The following USP24 variants were observed in gnomAD, a reference collection of about 807,000 sequenced individuals.
USP24 encodes ubiquitin specific peptidase 24.
Under a neutral mutation model 361.6 loss-of-function variants are expected in USP24, and 97 were observed. The observed-to-expected ratio is 0.27, with a 90% CI of 0.23 to 0.32. USP24 has a LOEUF of 0.32. Among genes scored for constraint, USP24 ranks in the 10% least tolerant of loss-of-function variants. USP24 has a pLI of 1.00. For synonymous variants in USP24, 1,098 were observed against 1,124.6 expected, an observed-to-expected ratio of 0.98 and a Z score of 0.47; for missense variants, 2,353 against 3,165.6, an observed-to-expected ratio of 0.74 and a Z score of 6.16.
chr1:55,161,868 C>T (rs1648320357), intron 8 of USP24, among the ~76,000 whole-genome samples: 1 of 152,104 alleles, frequency 6.6e-6, no homozygotes, highest in East Asian at 1.9e-4. Context: ...TGATTCAATA[C>T]ATAATGGCAT....
intron 28 of USP24, among the ~76,000 whole-genome samples, chr1:55,136,726 C>T (rs2100666745): frequency 6.6e-6 from 1 of 152,180 alleles, no homozygotes; most frequent in East Asian, 1.9e-4. Context: ...GAGATGCCAT[C>T]ATTTGAGATA....
chr1:55,101,503 A>T (rs1570404028), intron 43 of USP24, 81 bp downstream of exon 43: 2 of 1,534,916 alleles, frequency 1.3e-6, no homozygotes, highest in Non-Finnish European at 1.8e-6. Flanking sequence ...AAACCCCAAA[A>T]GCAATAAAAA....
At chr1:55,135,277 A>C (rs1377024011) in intron 28 of USP24, among the ~76,000 whole-genome samples, 1 of 152,080 alleles carries the variant, frequency 6.6e-6, no homozygotes, top group African/African-American at 2.4e-5. Flanking sequence ...GAGCCACCAC[A>C]CCCAGTCTTC....
intron 1 of USP24, among the ~76,000 whole-genome samples, chr1:55,188,945 CAA>C (rs1425016267): frequency 1.1e-5 from 1 of 93,410 alleles, no homozygotes; most frequent in Non-Finnish European, 2.0e-5. Context: ...GCCTGGACAA[CAA>C]GAGCAAAACT....
intron 28 of USP24, among the ~76,000 whole-genome samples, chr1:55,135,571 C>T (rs903975155): frequency 2.0e-5 from 3 of 152,136 alleles, no homozygotes; most frequent in African/African-American, 7.2e-5. Flanking sequence ...GTCCCATCCT[C>T]AAGATATCTC....
intron 1 of USP24, among the ~76,000 whole-genome samples, chr1:55,185,198 C>T (rs1644095112): frequency 1.3e-5 from 2 of 151,946 alleles, no homozygotes; most frequent in African/African-American, 4.8e-5. Context: ...AGCGATTCTC[C>T]CATGTCAGCC....
intron 51 of USP24, 88 bp from the exon 52 acceptor site, chr1:55,094,175 G>T: frequency 2.3e-6 from 3 of 1,318,396 alleles, no homozygotes; most frequent in Non-Finnish European, 3.1e-6. Flanking sequence ...ACATAAACGG[G>T]TATTAGACTA....
At chr1:55,130,334 C>A (rs1341513981) in intron 31 of USP24, among the ~76,000 whole-genome samples, 1 of 152,134 alleles carries the variant, frequency 6.6e-6, no homozygotes, top group Non-Finnish European at 1.5e-5. Context: ...ATAGTAGTTG[C>A]CTTTACAGGA....
At chr1:55,142,635 A>G (rs2100693433) in intron 23 of USP24, 107 bp downstream of exon 23, 1 of 813,356 alleles carries the variant, frequency 1.2e-6, no homozygotes, top group African/African-American at 1.8e-5. Flanking sequence ...ATTCTTCAAT[A>G]GGATCCAGCC....
At chr1:55,125,831 A>G in intron 32 of USP24, 73 bp from the exon 33 acceptor site, 1 of 1,254,786 alleles carries the variant, frequency 8.0e-7, no homozygotes, top group Non-Finnish European at 1.1e-6. Flanking sequence ...TCCATAAGTA[A>G]TGTAATCAGT....
chr1:55,165,645 A>T (rs1648756299), intron 7 of USP24, among the ~76,000 whole-genome samples: 1 of 152,134 alleles, frequency 6.6e-6, no homozygotes, highest in African/African-American at 2.4e-5. Context: ...TAACCATTAC[A>T]AATTAAGAGA....
intron 28 of USP24, among the ~76,000 whole-genome samples, chr1:55,135,758 T>C (rs1646715863): frequency 1.3e-5 from 2 of 151,996 alleles, no homozygotes; most frequent in Non-Finnish European, 2.9e-5. Flanking sequence ...GGGAAATATA[T>C]ATAATAACCA....
Position 55,134,173 on chromosome 1 carries a change from T to C in USP24, c.3288-10A>G. On this transcript the variant is annotated splice_polypyrimidine_tract_variant and intron_variant, in intron 29 of 67. Transcript: ENST00000294383. Reference sequence around the variant, plus strand: ...TACTCGTAGAGTTATCCTGAAGTTTTTCAAATACAAATTTTTTCATATAAG... The same window carrying C: ...TACTCGTAGAGTTATCCTGAAGTTTCTCAAATACAAATTTTTTCATATAAG... 1 of 1,612,224 alleles carries C rather than the reference T, an allele frequency of 6.2e-7. No homozygotes were observed. The highest frequency in any genetic ancestry group is 8.5e-7 in the Non-Finnish European group (1 of 1,179,114).
In USP24 at chr1:55,078,600, T is replaced by A. The variant is rs897670286; in HGVS notation, c.7252A>T (p.Met2418Leu). Residue 2418 changes from methionine (M) to leucine (L), a missense_variant, in exon 61 of 68, where the codon ATG (methionine) becomes TTG (leucine). By Grantham distance (15) the Met-to-Leu change is conservative. Transcript: ENST00000294383. ...TTACAGAAACAGCAGTACACTACCA[T>A]CTCAATGAGTGCCAAGAGCGAGCCT... is the stretch of plus-strand genomic sequence containing the variant. ...LTGSLLALIE[M>L]VVYCCFCNEH... The A allele has an allele frequency of 1.2e-6, 2 of 1,611,980 alleles. No homozygotes were observed. The highest frequency in any genetic ancestry group is 2.7e-5 in the African/African-American group (2 of 74,930).
intron 38 of USP24, among the ~76,000 whole-genome samples, chr1:55,116,019 G>T (rs1365107719): frequency 2.6e-5 from 4 of 152,268 alleles, no homozygotes; most frequent in Non-Finnish European, 4.4e-5. Context: ...ACCTGTCGGG[G>T]GGTGGGCAGG....
intron 20 of USP24, among the ~76,000 whole-genome samples, chr1:55,145,614 C>A (rs890828591): frequency 5.3e-5 from 8 of 152,070 alleles, no homozygotes; most frequent in African/African-American, 1.9e-4. Flanking sequence ...CTAAAAGCCA[C>A]CATTTGTACA....
intron 1 of USP24, among the ~76,000 whole-genome samples, chr1:55,197,038 T>G (rs969265534): frequency 3.3e-5 from 5 of 152,258 alleles, no homozygotes; most frequent in Non-Finnish European, 7.3e-5. Flanking sequence ...CATACTATAA[T>G]AGCTAAGTTG....
intron 6 of USP24, among the ~76,000 whole-genome samples, chr1:55,166,309 A>G (rs192242663): frequency 7.9e-5 from 12 of 152,152 alleles, no homozygotes; most frequent in African/African-American, 2.6e-4. Flanking sequence ...GTGCTCCGTA[A>G]CATTGGTCTT....
chr1:55,147,267 A>G (rs998948857), intron 18 of USP24, among the ~76,000 whole-genome samples: 7 of 152,210 alleles, frequency 4.6e-5, no homozygotes. Context: ...TTAGAAATTC[A>G]GTTGATTTTG....
Sources: allele counts gnomAD v4.1 joint callset (sites outside exome capture counted in the v4.1 genomes callset), GRCh38; gene constraint gnomAD v4.1.1; transcripts MANE v1.5; gene names NCBI Gene and HGNC (gene_info 2026-07-23, HGNC 2026-07-21).